FBN1: variants seen among roughly 807,000 people sequenced by gnomAD.
FBN1 encodes the protein fibrillin-1.
FBN1 carries 29 observed loss-of-function variants against 365.1 expected under a neutral mutation model. That is an observed-to-expected ratio of 0.08 (90% CI 0.06 to 0.11). The LOEUF is 0.11. FBN1 is among the 10% of genes least tolerant of loss of function. The pLI is 1.00. For missense variants in FBN1, 2,476 were observed against 3,703.2 expected, an observed-to-expected ratio of 0.67 and a Z score of 8.60; for synonymous variants, 1,210 against 1,270.5, an observed-to-expected ratio of 0.95 and a Z score of 1.01.
chr15:48,534,106 A>C lies in FBN1; in HGVS notation c.836T>G (p.Leu279Arg). 5 of 1,613,512 alleles carry C rather than the reference A, an allele frequency of 3.1e-6. No individual in the cohort carries two copies. The highest frequency in any genetic ancestry group is 4.2e-6 in the Non-Finnish European group (5 of 1,179,748). Residue 279 changes from leucine (L) to arginine (R), a missense_variant, in exon 8 of 66, where the codon CTT becomes CGT. Physicochemically the swap from Leu to Arg is moderately radical, Grantham distance 102. Transcript: ENST00000316623. ...TTCACATTTTTGTGACACTTCATTA[A>C]GTTTGTGTCCAGCAGGGCATTTGCA... The part of the protein sequence containing the change: ...FECKCPAGHK[L>R]NEVSQKCEDI...
At chr15:48,515,756 C>G (rs2043795676) in intron 11 of FBN1, among the ~76,000 whole-genome samples, 1 of 152,152 alleles carries the variant, frequency 6.6e-6, no homozygotes, top group South Asian at 2.1e-4. Flanking sequence ...TTTCTCTGCC[C>G]TCTTCACCAC....
At chr15:48,580,783 C>CTT (rs1227505581) in intron 6 of FBN1, among the ~76,000 whole-genome samples, 1 of 152,142 alleles carries the variant, frequency 6.6e-6, no homozygotes, top group Non-Finnish European at 1.5e-5. Flanking sequence ...TATTTTCATT[C>CTT]TTATCTCCCT....
chr15:48,523,454 G>A (rs1267327028), intron 9 of FBN1, among the ~76,000 whole-genome samples: 1 of 152,174 alleles, frequency 6.6e-6, no homozygotes, highest in African/African-American at 2.4e-5. Context: ...TCAAGTTTGG[G>A]TTACTGGCAG....
intron 6 of FBN1, among the ~76,000 whole-genome samples, chr15:48,578,583 C>T (rs185090149): frequency 7.2e-5 from 11 of 152,004 alleles, no homozygotes; most frequent in African/African-American, 2.2e-4. Context: ...CCTGAGGAAT[C>T]GCCACATTGA....
intron 36 of FBN1, among the ~76,000 whole-genome samples, chr15:48,469,444 C>T (rs2043353083): frequency 6.6e-6 from 1 of 151,970 alleles, no homozygotes; most frequent in Non-Finnish European, 1.5e-5. Flanking sequence ...GTTTCTATTC[C>T]AAAAATATGT....
chr15:48,497,143 T>A, intron 19 of FBN1, 123 bp downstream of exon 19: 2 of 1,098,232 alleles, frequency 1.8e-6, no homozygotes, highest in Non-Finnish European at 2.8e-6. Flanking sequence ...TGTGCTAACA[T>A]CCGAAGTATA....
chr15:48,498,918 C>T (rs937458606), intron 18 of FBN1, 67 bp downstream of exon 18: 3 of 1,469,278 alleles, frequency 2.0e-6, no homozygotes, highest in East Asian at 2.3e-5. Context: ...CAACTGGAAA[C>T]CCACAAGAAA....
intron 2 of FBN1, chr15:48,641,081 G>A (rs1352213219): frequency 6.6e-6 from 1 of 152,106 alleles, no homozygotes; most frequent in African/African-American, 2.4e-5. Context: ...ATTATTTCAC[G>A]TGGTTTTGAA....
At position 48,515,482 on chromosome 15, in the gene FBN1, T is replaced by G; in HGVS notation, c.1373A>C (p.Tyr458Ser). 1 of 1,614,016 alleles carries G rather than the reference T, an allele frequency of 6.2e-7. No individual in the cohort carries two copies. Among genetic ancestry groups the G allele is most frequent in the Non-Finnish European group, 8.5e-7 (1 of 1,179,914 alleles). ...AATGCAGCGTCCATTTTGACAGAGA[T>G]AGCGGACCAACTGGCAGTAATCAGT... is the stretch of plus-strand genomic sequence containing the variant. ...NVTDYCQLVR[Y>S]LCQNGRCIPT... The change falls in exon 12 of 66, where the codon TAT (tyrosine) becomes TCT (serine). Residue 458 changes from tyrosine to serine, a missense_variant. Physicochemically the swap from Tyr to Ser is moderately radical, Grantham distance 144 (BLOSUM62 -2). This residue lies in a region of FBN1 where 421 missense variants were observed against 520.1 expected (regional missense o/e 0.81). Transcript: ENST00000316623.
At chr15:48,640,643 A>C (rs1012581568) in intron 2 of FBN1, among the ~76,000 whole-genome samples, 21 of 152,182 alleles carry the variant, frequency 1.4e-4, no homozygotes, top group Admixed American at 6.5e-4. Context: ...TAAACAAATA[A>C]ACAAAGACCA....
intron 6 of FBN1, among the ~76,000 whole-genome samples, chr15:48,538,644 G>A (rs1018097453): frequency 1.3e-5 from 2 of 151,798 alleles, no homozygotes; most frequent in Non-Finnish European, 2.9e-5. Context: ...AAGACGTAGT[G>A]AGCACAGAGG....
At chr15:48,471,695 G>A (rs1254090437) in intron 35 of FBN1, among the ~76,000 whole-genome samples, 1 of 152,200 alleles carries the variant, frequency 6.6e-6, no homozygotes, top group Non-Finnish European at 1.5e-5. Flanking sequence ...CTGATTTTGA[G>A]TTCACGTCTT....
At chr15:48,503,310 A>G (rs1479513731) in intron 17 of FBN1, among the ~76,000 whole-genome samples, 2 of 150,324 alleles carry the variant, frequency 1.3e-5, no homozygotes, top group African/African-American at 4.9e-5. Context: ...AAAAAAAAAA[A>G]AAAAGAAGAA....
chr15:48,491,727 G>A (rs1249313352), intron 24 of FBN1, among the ~76,000 whole-genome samples: 2 of 152,194 alleles, frequency 1.3e-5, no homozygotes, highest in Non-Finnish European at 2.9e-5. Context: ...CAAAGTACAG[G>A]TAAGCATCAT....
chr15:48,453,713 G>C (rs2043219162), intron 44 of FBN1, among the ~76,000 whole-genome samples: 1 of 152,134 alleles, frequency 6.6e-6, no homozygotes, highest in Non-Finnish European at 1.5e-5. Flanking sequence ...CACTCTGATG[G>C]AGGATGCTGA....
chr15:48,548,147 C>G (rs1422711264), intron 6 of FBN1, among the ~76,000 whole-genome samples: 2 of 152,172 alleles, frequency 1.3e-5, no homozygotes, highest in African/African-American at 2.4e-5. Context: ...GACCCTAGAA[C>G]TGAGTTTTCA....
intron 14 of FBN1, among the ~76,000 whole-genome samples, chr15:48,509,830 T>C (rs900633006): frequency 6.6e-6 from 1 of 152,126 alleles, no homozygotes; most frequent in African/African-American, 2.4e-5. Context: ...GATCTTTAAA[T>C]GGCAAGCTCT....
intron 7 of FBN1, 135 bp from the exon 8 acceptor site, chr15:48,534,340 G>T: frequency 3.4e-6 from 3 of 883,718 alleles, no homozygotes; most frequent in South Asian, 3.1e-5. Flanking sequence ...ACAATATTTG[G>T]AATATGATTA....
intron 34 of FBN1, among the ~76,000 whole-genome samples, chr15:48,473,272 A>G (rs182456636): frequency 3.3e-5 from 5 of 152,358 alleles, no homozygotes; most frequent in African/African-American, 1.2e-4. Flanking sequence ...AAAAAATTCC[A>G]GGTAAATCAC....
Sources: gnomAD v4.1 joint callset for allele counts (sites outside exome capture counted in the v4.1 genomes callset) on GRCh38, gnomAD v4.1.1 for gene constraint, gnomAD v4.1.1 regional missense constraint, MANE v1.5 for transcripts, NCBI Gene and HGNC (gene_info 2026-07-23, HGNC 2026-07-21) for gene names.